Variants in PKHD1L1 observed in about 807,000 individuals in gnomAD.
PKHD1L1 encodes PKHD1 like 1.
PKHD1L1 carries 434 observed loss-of-function variants against 462.9 expected under a neutral mutation model. That is an observed-to-expected ratio of 0.94 (90% confidence interval 0.87 to 1.02). The LOEUF (loss-of-function observed/expected upper bound fraction) is 1.02. Among genes scored for constraint, PKHD1L1 ranks in the 50% least tolerant of loss-of-function variants. The pLI is 0.00. For synonymous variants in PKHD1L1, 1,781 were observed against 1,750.0 expected (o/e 1.02, Z -0.44); for missense variants, 5,202 against 5,096.1 (o/e 1.02, Z -0.63).
At position 109,438,401 on chromosome 8, in the gene PKHD1L1, T is replaced by C. The variant is rs1438943296; in HGVS notation, c.3705T>C (p.Asn1235=). The C allele has an allele frequency of 1.8e-5, 27 of 1,540,332 alleles. No homozygotes were observed. The highest frequency in any genetic ancestry group is 2.4e-5 in the Non-Finnish European group (27 of 1,139,042). Residue 1235 remains asparagine, a synonymous_variant, in exon 31 of 78, where the codon AAT becomes AAC. Coordinates refer to ENST00000378402, the MANE Select transcript of PKHD1L1 (RefSeq NM_177531.6). The part of the protein sequence containing the change: ...QATARDAFSY[N]CLQTPIITDF... ...CAGCAAGGGATGCTTTTAGTTATAATTGTTTACAGACACCAATTATAACTG... is the reference window on the plus strand; with the variant it reads ...CAGCAAGGGATGCTTTTAGTTATAACTGTTTACAGACACCAATTATAACTG...
At chr8:109,458,508 A>C (rs1334769225) in intron 46 of PKHD1L1, among the ~76,000 whole-genome samples, 2 of 152,190 alleles carry the variant, frequency 1.3e-5, no homozygotes, top group Non-Finnish European at 2.9e-5. Flanking sequence ...CAGACAAGTC[A>C]GTGGAAGGGA....
Position 109,456,344 on chromosome 8 carries a change from A to G in PKHD1L1, c.6957A>G (p.Val2319=), listed in dbSNP as rs571731547. The G allele has an allele frequency of 1.8e-5, 29 of 1,611,044 alleles. No homozygotes were observed. The East Asian group carries it at 6.5e-4, about 36-fold the overall frequency. ...GAATTTTAATTTTACAAGAAGCAGTAACATGGAAACCAGGAGATAACATTG... is the reference window on the plus strand; with the variant it reads ...GAATTTTAATTTTACAAGAAGCAGTGACATGGAAACCAGGAGATAACATTG... ...GERILILQEA[V]TWKPGDNIVI... is the part of the protein sequence containing the mutation. The change falls in exon 46 of 78, where the codon GTA becomes GTG. Residue 2319 remains valine (V), a synonymous_variant. Transcript: ENST00000378402.
intron 57 of PKHD1L1, 65 bp from the exon 58 acceptor site, chr8:109,484,979 G>T (rs760196730): frequency 3.3e-5 from 43 of 1,291,294 alleles, no homozygotes; most frequent in Non-Finnish European, 4.4e-5. Flanking sequence ...ATTTAATAAT[G>T]ATATCAAGAA....
intron 76 of PKHD1L1, among the ~76,000 whole-genome samples, chr8:109,524,096 C>T (rs932714687): frequency 1.3e-5 from 2 of 152,156 alleles, no homozygotes; most frequent in Non-Finnish European, 2.9e-5. Context: ...CTGAACAGAT[C>T]TCTCTTGGTG....
chr8:109,487,674 C>G lies in PKHD1L1; in HGVS notation c.9880+853C>G, dbSNP rs1818601697. On this transcript the variant is annotated intron_variant, in intron 59 of 77. Coordinates refer to ENST00000378402, the MANE Select transcript of PKHD1L1 (RefSeq NM_177531.6). ...AACTTGTTCTTGTCCCCCTGTATTTCCTATGCCTAGGTGATTTAAAACTAG... is the reference window on the plus strand; with the variant it reads ...AACTTGTTCTTGTCCCCCTGTATTTGCTATGCCTAGGTGATTTAAAACTAG... Among the ~76,000 whole-genome samples the G allele has an allele frequency of 2.0e-5, 3 of 151,704 alleles. No individual in the cohort carries two copies. In the Admixed American group the frequency reaches 2.0e-4, roughly 10 times the overall value.
intron 42 of PKHD1L1, 83 bp from the exon 43 acceptor site, chr8:109,452,635 T>G: frequency 1.4e-6 from 1 of 739,568 alleles, no homozygotes; most frequent in Non-Finnish European, 1.9e-6. Context: ...ATATTTATAT[T>G]GTAATAAAAT....
chr8:109,492,116 T>C (rs559713624), intron 62 of PKHD1L1, 122 bp downstream of exon 62: 7 of 780,170 alleles, frequency 9.0e-6, no homozygotes, highest in African/African-American at 6.8e-5. Flanking sequence ...TAAGTTTCGA[T>C]GGCCATTGAT....
intron 30 of PKHD1L1, among the ~76,000 whole-genome samples, 181 bp from the exon 31 acceptor site, chr8:109,438,143 A>T (rs1322253416): frequency 6.6e-6 from 1 of 152,156 alleles, no homozygotes; most frequent in Non-Finnish European, 1.5e-5. Flanking sequence ...TATTTTGAGA[A>T]CTCAAGCATG....
intron 24 of PKHD1L1, among the ~76,000 whole-genome samples, chr8:109,426,498 T>C (rs1814756969): frequency 6.6e-6 from 1 of 151,914 alleles, no homozygotes; most frequent in African/African-American, 2.4e-5. Context: ...AAATTGCATA[T>C]ATTTTATTTC....
intron 6 of PKHD1L1, among the ~76,000 whole-genome samples, chr8:109,385,994 G>T (rs1272086646): frequency 6.6e-6 from 1 of 152,012 alleles, no homozygotes; most frequent in Non-Finnish European, 1.5e-5. Context: ...AACACCTGAG[G>T]CCTAGAGATC....
chr8:109,481,625 G>A, intron 56 of PKHD1L1, 63 bp downstream of exon 56: 2 of 1,383,136 alleles, frequency 1.4e-6, no homozygotes, highest in Non-Finnish European at 1.9e-6. Context: ...AAAATATATG[G>A]CACTAAAGTA....
At chr8:109,433,741 TAGG>T (rs1014951674) in intron 28 of PKHD1L1, among the ~76,000 whole-genome samples, 26 of 152,242 alleles carry the variant, frequency 1.7e-4, no homozygotes, top group African/African-American at 5.5e-4. Flanking sequence ...TTCATAATTC[TAGG>T]AGATTTTTCT....
intron 21 of PKHD1L1, among the ~76,000 whole-genome samples, chr8:109,416,582 C>T (rs1423222132): frequency 6.6e-6 from 1 of 152,116 alleles, no homozygotes; most frequent in African/African-American, 2.4e-5. Flanking sequence ...TAGTTCAATC[C>T]TATGTATAAA....
intron 3 of PKHD1L1, 35 bp downstream of exon 3, chr8:109,381,549 C>T (rs746741654): frequency 7.0e-7 from 1 of 1,438,812 alleles, no homozygotes; most frequent in Non-Finnish European, 9.5e-7. Flanking sequence ...AAATCATTTT[C>T]ATCATATCAG....
At chr8:109,473,554 C>T (rs1035439170) in intron 50 of PKHD1L1, among the ~76,000 whole-genome samples, 5 of 151,686 alleles carry the variant, frequency 3.3e-5, no homozygotes, top group Non-Finnish European at 7.4e-5. Flanking sequence ...AAGAAAAGAA[C>T]TCAATTCAGT....
intron 2 of PKHD1L1, among the ~76,000 whole-genome samples, chr8:109,371,997 G>T (rs1811536759): frequency 6.6e-6 from 1 of 151,946 alleles, no homozygotes; most frequent in African/African-American, 2.4e-5. Context: ...GCTCTTTTTT[G>T]GTTCCATATG....
At position 109,441,357 on chromosome 8, in the gene PKHD1L1, T is replaced by C; in HGVS notation, c.4182T>C (p.Ile1394=). The C allele has an allele frequency of 6.4e-7, 1 of 1,569,622 alleles. No individual in the cohort carries two copies. Among genetic ancestry groups the C allele is most frequent in the South Asian group, 1.2e-5 (1 of 86,358 alleles). The change falls in exon 34 of 78, where the codon ATT becomes ATC. Residue 1394 remains isoleucine, a synonymous_variant. Coordinates refer to ENST00000378402, the MANE Select transcript of PKHD1L1 (RefSeq NM_177531.6). Reference sequence around the variant, plus strand: ...ATTCAACTGGGAATATATTCAGGATTACCAACAATGGGAAAGATTCAGGTA... The same window carrying C: ...ATTCAACTGGGAATATATTCAGGATCACCAACAATGGGAAAGATTCAGGTA... ...ILHSTGNIFR[I]TNNGKDSVHG... is the part of the protein sequence containing the mutation.
At chr8:109,488,219 G>A (rs1818654433) in intron 59 of PKHD1L1, among the ~76,000 whole-genome samples, 1 of 151,936 alleles carries the variant, frequency 6.6e-6, no homozygotes, top group Non-Finnish European at 1.5e-5. Context: ...TAGGTTTCAA[G>A]ATAATGTGTT....
chr8:109,412,267 A>C lies in PKHD1L1; in HGVS notation c.2088A>C (p.Glu696Asp). 6.2e-7 allele frequency: 1 copy of C among 1,612,658 alleles called. No homozygotes were observed. The highest frequency in any genetic ancestry group is 8.5e-7 in the Non-Finnish European group (1 of 1,179,380). Reference sequence around the variant, plus strand: ...TTGAAATATTATTGTTTCGGTAGGAACATATTAACAGAGGGCAGAAGACAG... The same window carrying C: ...TTGAAATATTATTGTTTCGGTAGGACCATATTAACAGAGGGCAGAAGACAG... ...FRDYETDFNL[E>D]HINRGQKTAE... The change falls in exon 20 of 78, where the codon GAA (glutamate) becomes GAC (aspartate). Residue 696 changes from glutamate to aspartate, a missense_variant and splice_region_variant. Around this residue, in one of 3 missense-constraint regions of PKHD1L1, gnomAD observed 4,497 missense variants for 4,336.8 expected, o/e 1.04. Coordinates refer to ENST00000378402, the MANE Select transcript of PKHD1L1 (RefSeq NM_177531.6).
Sources: gnomAD v4.1 joint callset for allele counts (sites outside exome capture counted in the v4.1 genomes callset) on GRCh38, gnomAD v4.1.1 for gene constraint, gnomAD v4.1.1 regional missense constraint, MANE v1.5 for transcripts, NCBI Gene and HGNC (gene_info 2026-07-23, HGNC 2026-07-21) for gene names.